The following DOCK8 variants were observed in gnomAD, a reference collection of about 807,000 sequenced individuals.
DOCK8 encodes dedicator of cytokinesis protein 8.
Under a neutral mutation model 245.6 loss-of-function variants are expected in DOCK8, and 141 were observed. The ratio of observed to expected loss-of-function variants is 0.57; its 90% CI spans 0.50 to 0.66. The LOEUF (loss-of-function observed/expected upper bound fraction) is 0.66. Among genes scored for constraint, DOCK8 ranks in the 30% least tolerant of loss-of-function variants. DOCK8 has a pLI of 0.00. For missense variants in DOCK8, 2,965 were observed against 2,603.4 expected, an observed-to-expected ratio of 1.14 and a Z score of -3.02; for synonymous variants, 1,168 against 970.2, an observed-to-expected ratio of 1.20 and a Z score of -3.79.
At chr9:253,970 A>G (rs1270586738) in intron 1 of DOCK8, among the ~76,000 whole-genome samples, 1 of 152,368 alleles carries the variant, frequency 6.6e-6, no homozygotes, top group Non-Finnish European at 1.5e-5. Flanking sequence ...AATGCAAAGT[A>G]TTCTAAAACT....
At chr9:267,169 C>T (rs1001075428) in intron 1 of DOCK8, among the ~76,000 whole-genome samples, 3 of 152,198 alleles carry the variant, frequency 2.0e-5, no homozygotes, top group Non-Finnish European at 4.4e-5. Context: ...GTAGTACGCT[C>T]TGTCTGCACA....
At chr9:266,458 C>A (rs1262238992) in intron 1 of DOCK8, among the ~76,000 whole-genome samples, 2 of 152,160 alleles carry the variant, frequency 1.3e-5, no homozygotes, top group African/African-American at 4.8e-5. Context: ...ACATAAAAAT[C>A]ACCTGGAATT....
At chr9:219,645 C>G (rs1034104749) in intron 1 of DOCK8, among the ~76,000 whole-genome samples, 4 of 152,056 alleles carry the variant, frequency 2.6e-5, no homozygotes, top group Admixed American at 6.5e-5. Flanking sequence ...ACCTGTAACC[C>G]TAGCACTTTG....
rs781606443 is a variant in DOCK8, at chr9:371,471, A to G, written c.1912A>G (p.Lys638Glu). ...YEEVKIKLPA[K>E]LTVNHHLLFT... ...AGAAGTGAAAATTAAGCTCCCCGCT[A>G]AGCTCACAGTAAATCACCACCTCCT... The change falls in exon 17 of 48, where the codon AAG (lysine) becomes GAG (glutamate). Residue 638 changes from lysine to glutamate, a missense_variant. Lys to Glu is a moderately conservative substitution (Grantham distance 56). Around this residue, in one of 3 missense-constraint regions of DOCK8, gnomAD observed 2,825 missense variants for 2,453.5 expected, o/e 1.15. Transcript: ENST00000432829. 11 of 1,614,124 alleles carry G rather than the reference A, an allele frequency of 6.8e-6. No homozygotes were observed. Among genetic ancestry groups the G allele is most frequent in the African/African-American group, 1.3e-5 (1 of 74,954 alleles).
chr9:383,281 T>C (rs1489654968), intron 22 of DOCK8, among the ~76,000 whole-genome samples: 1 of 152,076 alleles, frequency 6.6e-6, no homozygotes. Context: ...ACACCTGTAA[T>C]CTCAGCACTT....
chr9:363,875 A>C (rs1301753132), intron 14 of DOCK8, among the ~76,000 whole-genome samples: 1 of 152,112 alleles, frequency 6.6e-6, no homozygotes, highest in African/African-American at 2.4e-5. Context: ...CCTGTATTGG[A>C]GTGTAAGAGA....
intron 46 of DOCK8, chr9:454,744 T>C (rs2057581338): frequency 6.6e-6 from 1 of 152,238 alleles, no homozygotes; most frequent in South Asian, 2.1e-4. Context: ...CTACTAGTTA[T>C]AAATCTTGCA....
chr9:222,775 G>C (rs762345593), intron 1 of DOCK8, among the ~76,000 whole-genome samples: 4 of 152,186 alleles, frequency 2.6e-5, no homozygotes, highest in Non-Finnish European at 5.9e-5. Flanking sequence ...GATAAAGGTA[G>C]ATTGTTCAAA....
At chr9:318,658 A>T (rs556115925) in intron 7 of DOCK8, among the ~76,000 whole-genome samples, 1 of 152,304 alleles carries the variant, frequency 6.6e-6, no homozygotes, top group South Asian at 2.1e-4. Flanking sequence ...AAACCAGCTG[A>T]GTGTCAAGTA....
intron 1 of DOCK8, among the ~76,000 whole-genome samples, chr9:242,316 C>G (rs1183841470): frequency 6.6e-6 from 1 of 151,964 alleles, no homozygotes; most frequent in African/African-American, 2.4e-5. Context: ...TGACTTTTTT[C>G]AAGACTCTGT....
At chr9:366,612 A>G (rs1399366089) in intron 14 of DOCK8, 1 of 152,246 alleles carries the variant, frequency 6.6e-6, no homozygotes, top group Non-Finnish European at 1.5e-5. Context: ...CATAAAAGCT[A>G]CCATGAAAGG....
At position 446,405 on chromosome 9, in the gene DOCK8, T is replaced by C. The variant is rs975688231; in HGVS notation, c.5616T>C (p.Phe1872=). The change falls in exon 44 of 48, where the codon TTT becomes TTC. Residue 1872 remains phenylalanine, a synonymous_variant. Coordinates refer to ENST00000432829, the MANE Select transcript of DOCK8 (RefSeq NM_203447.4). ...YIQITFVEPY[F]DEYEMKDRVT... is the part of the protein sequence containing the mutation. Reference sequence around the variant, plus strand: ...AGATCACTTTTGTGGAGCCCTACTTTGATGAGTATGAGATGAAAGACAGGG... The same window carrying C: ...AGATCACTTTTGTGGAGCCCTACTTCGATGAGTATGAGATGAAAGACAGGG... 1 of 1,614,192 alleles carries C rather than the reference T, an allele frequency of 6.2e-7. No homozygotes were observed. Among genetic ancestry groups the C allele is most frequent in the Non-Finnish European group, 8.5e-7 (1 of 1,180,048 alleles).
At chr9:452,232 C>T in intron 46 of DOCK8, 115 bp downstream of exon 46, 1 of 691,170 alleles carries the variant, frequency 1.4e-6, no homozygotes, top group South Asian at 1.5e-5. Flanking sequence ...GTCTCAGGCA[C>T]CCTCCAGACC....
At chr9:434,643 C>A in intron 38 of DOCK8, 140 bp from the exon 39 acceptor site, 1 of 819,970 alleles carries the variant, frequency 1.2e-6, no homozygotes, top group East Asian at 2.7e-5. Flanking sequence ...GTCTCGTTTT[C>A]TGGAAATATA....
At chr9:253,146 C>G (rs2047689866) in intron 1 of DOCK8, among the ~76,000 whole-genome samples, 1 of 152,134 alleles carries the variant, frequency 6.6e-6, no homozygotes, top group Non-Finnish European at 1.5e-5. Flanking sequence ...TATGCATCTA[C>G]AGGGTAGTCT....
chr9:252,979 C>T (rs2131471105), intron 1 of DOCK8, among the ~76,000 whole-genome samples: 1 of 152,192 alleles, frequency 6.6e-6, no homozygotes, highest in South Asian at 2.1e-4. Flanking sequence ...TTATTCTGTC[C>T]TTGGGACAGA....
intron 46 of DOCK8, among the ~76,000 whole-genome samples, chr9:459,090 G>A (rs1378227750): frequency 1.3e-5 from 2 of 152,198 alleles, no homozygotes; most frequent in South Asian, 2.1e-4. Context: ...GGATGTGAGG[G>A]AAGTCTGGAA....
At chr9:425,449 G>A (rs927318241) in intron 33 of DOCK8, among the ~76,000 whole-genome samples, 8 of 151,174 alleles carry the variant, frequency 5.3e-5, no homozygotes, top group South Asian at 2.1e-4. Flanking sequence ...GGAGAATGGC[G>A]TGAACCCGGG....
intron 8 of DOCK8, 111 bp downstream of exon 8, chr9:325,848 A>G: frequency 8.2e-6 from 8 of 970,700 alleles, no homozygotes. Context: ...TTGAAAGCAA[A>G]TGATCTTTGA....
Sources: gnomAD v4.1 joint callset for allele counts (sites outside exome capture counted in the v4.1 genomes callset) on GRCh38, gnomAD v4.1.1 for gene constraint, gnomAD v4.1.1 regional missense constraint, MANE v1.5 for transcripts, NCBI Gene and HGNC (gene_info 2026-07-23, HGNC 2026-07-21) for gene names.